GALNT13: variants seen among roughly 807,000 people sequenced by gnomAD.
GALNT13 encodes UDP-GalNAc:polypeptide N-acetylgalactosaminyltransferase 13.
GALNT13 carries 28 observed loss-of-function variants against 64.2 expected under a neutral mutation model. That is an observed-to-expected ratio of 0.44 (90% CI 0.32 to 0.60). The LOEUF (loss-of-function observed/expected upper bound fraction) is 0.60. GALNT13 is among the 20% of genes least tolerant of loss of function. The pLI is 0.05. For synonymous variants in GALNT13, 214 were observed against 224.6 expected (o/e 0.95, Z 0.42); for missense variants, 577 against 669.8 (o/e 0.86, Z 1.53).
At chr2:153,540,638 G>C in the GALNT13 span, among the ~76,000 whole-genome samples, 1 of 152,226 alleles carries the variant, frequency 6.6e-6, no homozygotes, top group Non-Finnish European at 1.5e-5. Flanking sequence ...CTGAGCCGCA[G>C]GGGCAGAACT....
At chr2:153,515,850 A>T in the GALNT13 span, among the ~76,000 whole-genome samples, 1 of 152,160 alleles carries the variant, frequency 6.6e-6, no homozygotes, top group South Asian at 2.1e-4. Context: ...GAATTAAAGG[A>T]TTCTCTTTGG....
At chr2:153,255,087 T>C in the GALNT13 span, among the ~76,000 whole-genome samples, 1 of 152,076 alleles carries the variant, frequency 6.6e-6, no homozygotes, top group African/African-American at 2.4e-5. Flanking sequence ...TCTCCCATTA[T>C]TAATGTGTGG....
chr2:154,446,668 C>G, intron 12 of GALNT13: 1 of 1,548,522 alleles, frequency 6.5e-7, no homozygotes, highest in Non-Finnish European at 8.7e-7. Context: ...AATGATAGCA[C>G]TTTGCAAAAA....
At chr2:153,451,385 A>G in the GALNT13 span, among the ~76,000 whole-genome samples, 1 of 152,212 alleles carries the variant, frequency 6.6e-6, no homozygotes, top group Non-Finnish European at 1.5e-5. Flanking sequence ...GTAAATGTAC[A>G]TAATTTTTCT....
chr2:153,478,193 G>A, the GALNT13 span: 1 of 1,513,190 alleles, frequency 6.6e-7, no homozygotes, highest in East Asian at 2.3e-5. Flanking sequence ...GGCTAGCAAA[G>A]TGGGCAGGCG....
intron 3 of GALNT13, among the ~76,000 whole-genome samples, chr2:154,013,222 T>C (rs1348203933): frequency 6.6e-6 from 1 of 151,690 alleles, no homozygotes; most frequent in African/African-American, 2.4e-5. Context: ...ACGAAGCCTT[T>C]TGCTTTTATC....
At chr2:154,171,421 A>G (rs534410760) in intron 4 of GALNT13, among the ~76,000 whole-genome samples, 1 of 152,146 alleles carries the variant, frequency 6.6e-6, no homozygotes, top group Non-Finnish European at 1.5e-5. Context: ...AATTTATAAA[A>G]ATGGTTTCAT....
the GALNT13 span, among the ~76,000 whole-genome samples, chr2:153,084,662 C>T: frequency 1.3e-5 from 2 of 152,188 alleles, no homozygotes; most frequent in Admixed American, 1.3e-4. Context: ...CACAAGCTGT[C>T]TTGTCTACCA....
chr2:153,169,389 G>A, the GALNT13 span, among the ~76,000 whole-genome samples: 3 of 152,184 alleles, frequency 2.0e-5, no homozygotes, highest in African/African-American at 7.2e-5. Flanking sequence ...TCTTGTTGAT[G>A]TTTGGTAACT....
chr2:153,841,446 CTT>C, the GALNT13 span, among the ~76,000 whole-genome samples: 1 of 152,208 alleles, frequency 6.6e-6, no homozygotes, highest in East Asian at 1.9e-4. Context: ...GTAAAGTTGA[CTT>C]TGAGTTAAAC....
chr2:153,542,450 A>C, the GALNT13 span, among the ~76,000 whole-genome samples: 1 of 152,270 alleles, frequency 6.6e-6, no homozygotes, highest in South Asian at 2.1e-4. Flanking sequence ...CTCAGTTCTG[A>C]ATACAGCTTG....
chr2:153,778,282 G>C, the GALNT13 span, among the ~76,000 whole-genome samples: 1 of 152,192 alleles, frequency 6.6e-6, no homozygotes, highest in Admixed American at 6.5e-5. Flanking sequence ...GCACAGGATG[G>C]GGGCATGGCA....
At chr2:153,613,970 CCTG>C in the GALNT13 span, among the ~76,000 whole-genome samples, 1 of 151,826 alleles carries the variant, frequency 6.6e-6, no homozygotes, top group Non-Finnish European at 1.5e-5. Context: ...ATGTAAGAAA[CCTG>C]CACGTTGTGC....
chr2:154,159,002 A>T (rs1359530472), intron 4 of GALNT13, among the ~76,000 whole-genome samples: 1 of 152,162 alleles, frequency 6.6e-6, no homozygotes, highest in Non-Finnish European at 1.5e-5. Context: ...ACTACCTAAT[A>T]TAATGAATGT....
chr2:153,476,792 T>A, the GALNT13 span, among the ~76,000 whole-genome samples: 2 of 152,324 alleles, frequency 1.3e-5, no homozygotes, highest in Admixed American at 1.3e-4. Context: ...AACAATGGTT[T>A]ACCCTAGGGA....
the GALNT13 span, among the ~76,000 whole-genome samples, chr2:153,821,893 A>G: frequency 6.6e-6 from 1 of 152,178 alleles, no homozygotes; most frequent in Non-Finnish European, 1.5e-5. Context: ...AGAAATGACA[A>G]TGGTGACATT....
At chr2:154,362,354 A>G (rs1697120768) in intron 9 of GALNT13, among the ~76,000 whole-genome samples, 1 of 151,538 alleles carries the variant, frequency 6.6e-6, no homozygotes, top group Non-Finnish European at 1.5e-5. Flanking sequence ...AATAAAATAG[A>G]GTAGGTTTTG....
chr2:154,021,893 T>G lies in GALNT13; in HGVS notation c.142+77254T>G, dbSNP rs558677405. The stretch of plus-strand genomic sequence containing the variant: ...TACATCCCATCAATACCTAATTTAT[T>G]GAGAGTTTTTAGCATGAAGGGTTGT... On this transcript the variant is annotated intron_variant, in intron 3 of 12. Coordinates refer to ENST00000392825, the MANE Select transcript of GALNT13 (RefSeq NM_052917.4). Among the ~76,000 whole-genome samples the G allele has an allele frequency of 5.3e-3, 806 of 151,896 alleles. 6 individuals are homozygous for G. Among genetic ancestry groups the G allele is most frequent in the African/African-American group, 0.018 (760 of 41,370 alleles).
At chr2:153,610,443 G>A in the GALNT13 span, among the ~76,000 whole-genome samples, 1 of 152,180 alleles carries the variant, frequency 6.6e-6, no homozygotes, top group African/African-American at 2.4e-5. Flanking sequence ...GGGAGGCCAA[G>A]GTGGGCGGAT....
Sources: allele counts gnomAD v4.1 joint callset (sites outside exome capture counted in the v4.1 genomes callset), GRCh38; gene constraint gnomAD v4.1.1; transcripts MANE v1.5; gene names NCBI Gene and HGNC (gene_info 2026-07-23, HGNC 2026-07-21).